Variants in NCALD observed in about 807,000 individuals in gnomAD.
The protein encoded by NCALD is neurocalcin delta, also known as neurocalcin-delta.
NCALD carries 10 observed loss-of-function variants against 18.6 expected under a neutral mutation model. That is an observed-to-expected ratio of 0.54 (90% CI 0.33 to 0.91). The LOEUF is 0.91. NCALD is among the 40% of genes least tolerant of loss of function. The pLI is 0.03. For missense variants in NCALD, 184 were observed against 247.6 expected, an observed-to-expected ratio of 0.74 and a Z score of 1.72; for synonymous variants, 88 against 87.4, an observed-to-expected ratio of 1.01 and a Z score of -0.04.
intron 2 of NCALD, among the ~76,000 whole-genome samples, chr8:101,916,150 G>A (rs977714604): frequency 6.6e-6 from 1 of 152,106 alleles, no homozygotes; most frequent in African/African-American, 2.4e-5. Flanking sequence ...GGATATGAGA[G>A]TTAAGTGAAG....
At chr8:101,728,805 G>A (rs758908893) in intron 1 of NCALD, among the ~76,000 whole-genome samples, 7 of 152,076 alleles carry the variant, frequency 4.6e-5, no homozygotes, top group African/African-American at 1.2e-4. Flanking sequence ...GGGCAACAGA[G>A]CGAGACTCCA....
intron 2 of NCALD, among the ~76,000 whole-genome samples, chr8:101,978,658 G>A (rs1563502690): frequency 6.6e-6 from 1 of 152,158 alleles, no homozygotes; most frequent in Non-Finnish European, 1.5e-5. Flanking sequence ...GGTGGTGGTG[G>A]TGGTGGTGAG....
At chr8:101,983,710 C>T (rs889810839) in intron 2 of NCALD, among the ~76,000 whole-genome samples, 4 of 152,194 alleles carry the variant, frequency 2.6e-5, no homozygotes, top group South Asian at 2.1e-4. Context: ...TAGCAATGGG[C>T]CTTCTGGCCT....
At chr8:101,833,262 C>G (rs1262612917) in intron 4 of NCALD, among the ~76,000 whole-genome samples, 1 of 152,160 alleles carries the variant, frequency 6.6e-6, no homozygotes, top group African/African-American at 2.4e-5. Flanking sequence ...GCCTAAAAGT[C>G]TACATTTCTA....
intron 4 of NCALD, among the ~76,000 whole-genome samples, chr8:101,879,302 CAG>C (rs1488730164): frequency 1.3e-5 from 2 of 152,118 alleles, no homozygotes; most frequent in Admixed American, 6.5e-5. Flanking sequence ...CAGACGTGTT[CAG>C]AGTTTGGTCC....
intron 1 of NCALD, among the ~76,000 whole-genome samples, chr8:101,781,833 T>C (rs1409464067): frequency 1.3e-5 from 2 of 152,036 alleles, no homozygotes; most frequent in Non-Finnish European, 2.9e-5. Flanking sequence ...TACACTTTTT[T>C]GCATGTATAA....
chr8:101,713,030 T>C (rs1199424978), intron 2 of NCALD, among the ~76,000 whole-genome samples: 13 of 152,148 alleles, frequency 8.5e-5, no homozygotes, highest in East Asian at 5.8e-4. Context: ...TAATTGAAAG[T>C]AAAACTCCTC....
chr8:101,835,371 T>C (rs1814369647), intron 4 of NCALD, among the ~76,000 whole-genome samples: 1 of 152,222 alleles, frequency 6.6e-6, no homozygotes. Flanking sequence ...CCAGGAGATA[T>C]CTGGCAATGC....
chr8:101,738,552 C>A (rs796462332), intron 1 of NCALD, among the ~76,000 whole-genome samples: 7,032 of 124,870 alleles, frequency 0.056, no homozygotes, highest in African/African-American at 0.061. Context: ...CTCAAAAAAA[C>A]AAAAAAAAAA....
intron 1 of NCALD, among the ~76,000 whole-genome samples, chr8:101,786,817 T>C (rs1299272440): frequency 6.6e-6 from 1 of 152,062 alleles, no homozygotes; most frequent in African/African-American, 2.4e-5. Context: ...TTCCTACAAA[T>C]CAAATATAAA....
chr8:101,756,862 A>G (rs1810904284), intron 1 of NCALD, among the ~76,000 whole-genome samples: 1 of 152,176 alleles, frequency 6.6e-6, no homozygotes, highest in African/African-American at 2.4e-5. Context: ...TACATAAGGA[A>G]TTGACTGACT....
intron 2 of NCALD, among the ~76,000 whole-genome samples, chr8:101,953,242 G>A (rs150575203): frequency 0.014 from 2,182 of 152,276 alleles, 20 homozygotes; most frequent in South Asian, 0.024. Flanking sequence ...CGCTGCTGAC[G>A]GTGGCTCCTC....
intron 1 of NCALD, among the ~76,000 whole-genome samples, chr8:101,743,269 A>G (rs191230281): frequency 7.2e-5 from 7 of 96,746 alleles, no homozygotes; most frequent in African/African-American, 1.6e-4. Context: ...GTTCCTGGAT[A>G]TTACAGTAGG....
intron 1 of NCALD, among the ~76,000 whole-genome samples, chr8:102,121,205 C>T (rs1278137010): frequency 1.3e-5 from 2 of 152,062 alleles, no homozygotes; most frequent in East Asian, 1.9e-4. Flanking sequence ...TATTCTTCTC[C>T]GTGTTTTGTT....
chr8:102,034,727 G>A (rs555702759), intron 1 of NCALD, among the ~76,000 whole-genome samples: 16 of 152,274 alleles, frequency 1.1e-4, no homozygotes, highest in East Asian at 1.9e-4. Context: ...GTTGGCTAGC[G>A]TGGGCTTCTG....
chr8:101,886,372 C>G (rs1210538051), intron 4 of NCALD, among the ~76,000 whole-genome samples: 1 of 152,190 alleles, frequency 6.6e-6, no homozygotes, highest in Non-Finnish European at 1.5e-5. Context: ...TCATACACAA[C>G]TGTTTGACCA....
At chr8:101,843,446 G>GCACACACA (rs148295172) in intron 4 of NCALD, among the ~76,000 whole-genome samples, 31 of 149,630 alleles carry the variant, frequency 2.1e-4, no homozygotes, top group African/African-American at 6.4e-4. Flanking sequence ...ACATGTGCAT[G>GCACACACA]CACACACACA....
At chr8:102,118,747 C>G (rs769825427) in intron 1 of NCALD, among the ~76,000 whole-genome samples, 4 of 151,032 alleles carry the variant, frequency 2.6e-5, no homozygotes, top group East Asian at 1.9e-4. Context: ...CTCCCCACCC[C>G]CTCTCTAACG....
chr8:102,029,638 G>A (rs919733776), intron 1 of NCALD, among the ~76,000 whole-genome samples: 4 of 152,208 alleles, frequency 2.6e-5, no homozygotes, highest in East Asian at 1.9e-4. Flanking sequence ...CCATAAAGTC[G>A]CTGTCACAGT....
Sources: allele counts gnomAD v4.1 joint callset (sites outside exome capture counted in the v4.1 genomes callset), GRCh38; gene constraint gnomAD v4.1.1; transcripts MANE v1.5; gene names NCBI Gene and HGNC (gene_info 2026-07-23, HGNC 2026-07-21).